The following PLCL2 variants were observed in gnomAD, a reference collection of about 807,000 sequenced individuals.
PLCL2 encodes the protein inactive phospholipase C-like protein 2.
A neutral mutation model predicts 79.6 loss-of-function variants in PLCL2; 4 were observed. The observed-to-expected ratio is 0.05, with a 90% CI of 0.02 to 0.11. The LOEUF is 0.11. Ranked by LOEUF, PLCL2 falls within the 10% of genes least tolerant of loss-of-function variation. The pLI, the probability that PLCL2 is intolerant of heterozygous loss-of-function variation, is 1.00. For missense variants in PLCL2, 895 were observed against 1,291.0 expected, an observed-to-expected ratio of 0.69 and a Z score of 4.70; for synonymous variants, 484 against 457.7, an observed-to-expected ratio of 1.06 and a Z score of -0.73.
chr3:16,955,989 C>T (rs969845508), intron 1 of PLCL2, among the ~76,000 whole-genome samples: 40 of 152,172 alleles, frequency 2.6e-4, no homozygotes, highest in Non-Finnish European at 2.1e-4. Context: ...GACAATTTGA[C>T]TTCCTCTTTT....
At chr3:17,051,323 CA>C (rs2064836426) in intron 4 of PLCL2, among the ~76,000 whole-genome samples, 1 of 152,058 alleles carries the variant, frequency 6.6e-6, no homozygotes, top group African/African-American at 2.4e-5. Context: ...TTGTTTGTAA[CA>C]CAAATGATAA....
rs773647246 is a variant in PLCL2, at chr3:17,010,425, C to T, written c.1079C>T (p.Thr360Ile). The change falls in exon 2 of 6, where the codon ACC (threonine) becomes ATC (isoleucine). Residue 360 changes from threonine (T) to isoleucine (I), a missense_variant. Thr to Ile is a moderately conservative substitution (Grantham distance 89). Around this residue, in one of 6 missense-constraint regions of PLCL2, gnomAD observed 93 missense variants for 93.2 expected, o/e 1.00. Coordinates refer to ENST00000615277, the MANE Select transcript of PLCL2 (RefSeq NM_001144382.2). This position sits in a 1 kb window ranked among gnomAD's most constrained non-coding sequence, Gnocchi z 5.8. ...QFSSNKEFLDTKDLMMFLEAE... is the reference protein window; with the variant it reads ...QFSSNKEFLDIKDLMMFLEAE... Reference sequence around the variant, plus strand: ...TCAAGCAATAAAGAATTCCTTGATACCAAGGACCTTATGATGTTTCTTGAG... The same window carrying T: ...TCAAGCAATAAAGAATTCCTTGATATCAAGGACCTTATGATGTTTCTTGAG... 1 of 1,613,018 alleles carries T rather than the reference C, an allele frequency of 6.2e-7. No individual in the cohort carries two copies. The highest frequency in any genetic ancestry group is 1.7e-5 in the Admixed American group (1 of 59,998).
intron 1 of PLCL2, among the ~76,000 whole-genome samples, chr3:16,963,523 A>G (rs997021612): frequency 2.0e-5 from 3 of 152,202 alleles, no homozygotes; most frequent in Non-Finnish European, 4.4e-5. Context: ...CAGCAAATAT[A>G]CATACCTGAG....
At chr3:17,035,070 C>G (rs1384235987) in intron 3 of PLCL2, among the ~76,000 whole-genome samples, 1 of 152,162 alleles carries the variant, frequency 6.6e-6, no homozygotes, top group Admixed American at 6.6e-5. Context: ...TAAAATTTCT[C>G]CCTCAGAAAT....
chr3:17,067,236 C>T (rs552275265), intron 4 of PLCL2, among the ~76,000 whole-genome samples: 20 of 152,064 alleles, frequency 1.3e-4, no homozygotes, highest in African/African-American at 2.7e-4. Flanking sequence ...TTGGATTCAG[C>T]GGTCTTACTA....
rs764852278 is a variant in PLCL2 at position 17,011,345 on chromosome 3, T to C, written c.1999T>C (p.Tyr667His). The C allele has an allele frequency of 1.2e-6, 2 of 1,614,144 alleles. No homozygotes were observed. Among genetic ancestry groups the C allele is most frequent in the Non-Finnish European group, 1.7e-6 (2 of 1,180,008 alleles). The change falls in exon 2 of 6, where the codon TAC becomes CAC. Residue 667 changes from tyrosine to histidine, a missense_variant. Transcript: ENST00000615277. This position sits in a 1 kb window ranked among gnomAD's most constrained non-coding sequence, Gnocchi z 7.9. ...ANENPGDFVN[Y>H]NKRFLARVFP... ...TGAAAATCCAGGGGACTTTGTAAAT[T>C]ACAACAAACGTTTTCTTGCTAGGGT...
At chr3:17,073,188 G>A (rs546877101) in intron 5 of PLCL2, among the ~76,000 whole-genome samples, 24 of 152,244 alleles carry the variant, frequency 1.6e-4, no homozygotes, top group African/African-American at 2.6e-4. Context: ...ATGTACAGGC[G>A]TACCTTGGAG....
At chr3:17,079,699 G>A (rs2065143225) in intron 5 of PLCL2, among the ~76,000 whole-genome samples, 1 of 152,122 alleles carries the variant, frequency 6.6e-6, no homozygotes, top group South Asian at 2.1e-4. Flanking sequence ...AAGTAAAATT[G>A]TTTCTAAGGA....
chr3:16,965,697 T>C (rs570374466), intron 1 of PLCL2, among the ~76,000 whole-genome samples: 63 of 152,280 alleles, frequency 4.1e-4, no homozygotes, highest in African/African-American at 1.5e-3. Flanking sequence ...TTTATTTCGT[T>C]GAGCAGTGGT....
chr3:16,957,071 C>G (rs1322454044), intron 1 of PLCL2, among the ~76,000 whole-genome samples: 2 of 152,158 alleles, frequency 1.3e-5, no homozygotes, highest in South Asian at 4.1e-4. Context: ...CTTCTGCTAG[C>G]TTTTGCATGT....
intron 5 of PLCL2, among the ~76,000 whole-genome samples, chr3:17,074,687 G>T (rs2065092773): frequency 6.6e-6 from 1 of 152,200 alleles, no homozygotes; most frequent in Non-Finnish European, 1.5e-5. Context: ...TAAATCTTCT[G>T]GGTAACTCAC....
At position 17,011,293 on chromosome 3, in the gene PLCL2, T is replaced by A. The variant is rs2064319504; in HGVS notation, c.1947T>A (p.Asn649Lys). The change falls in exon 2 of 6, where the codon AAT becomes AAA. Residue 649 changes from asparagine to lysine, a missense_variant. By Grantham distance (94) the Asn-to-Lys change is moderately conservative. Around this residue, in one of 6 missense-constraint regions of PLCL2, gnomAD observed 242 missense variants for 399.5 expected, o/e 0.61. Transcript: ENST00000615277. The surrounding 1 kb of genome is among the most constrained non-coding windows in gnomAD (Gnocchi z 7.9). The stretch of plus-strand genomic sequence containing the variant: ...AGTACTGGGAAGTCTGTTCCTTTAA[T>A]GAAGTGCTTGCCAGCAAGTACGCCA... The part of the protein sequence containing the change: ...VQKYWEVCSF[N>K]EVLASKYANE... 1 of 1,614,132 alleles carries A rather than the reference T, an allele frequency of 6.2e-7. No homozygotes were observed. The highest frequency in any genetic ancestry group is 8.5e-7 in the Non-Finnish European group (1 of 1,180,050).
At chr3:17,088,774 G>A (rs1256974788) in intron 5 of PLCL2, among the ~76,000 whole-genome samples, 9 of 152,054 alleles carry the variant, frequency 5.9e-5, no homozygotes, top group Non-Finnish European at 1.2e-4. Flanking sequence ...GAATTCTCTG[G>A]TCCAAAATGT....
intron 1 of PLCL2, among the ~76,000 whole-genome samples, chr3:16,920,661 T>C (rs993284285): frequency 6.6e-6 from 1 of 152,102 alleles, no homozygotes; most frequent in Non-Finnish European, 1.5e-5. Context: ...AATGCAGGAG[T>C]GAAAATGCTT....
At chr3:17,031,812 A>G (rs1182635688) in intron 3 of PLCL2, among the ~76,000 whole-genome samples, 2 of 152,200 alleles carry the variant, frequency 1.3e-5, no homozygotes, top group Admixed American at 1.3e-4. Flanking sequence ...GCATAGCATA[A>G]TAAATTACCA....
intron 3 of PLCL2, among the ~76,000 whole-genome samples, chr3:17,018,479 C>T (rs1473760542): frequency 6.6e-6 from 1 of 152,182 alleles, no homozygotes; most frequent in Non-Finnish European, 1.5e-5. Context: ...TCAGCTTGTC[C>T]TCTCTGCCTC....
intron 1 of PLCL2, among the ~76,000 whole-genome samples, chr3:16,973,470 G>C (rs149158537): frequency 2.5e-3 from 377 of 151,704 alleles, no homozygotes; most frequent in Non-Finnish European, 4.0e-3. Context: ...TGAATTTTGG[G>C]CTCTCCAGTG....
At chr3:16,946,494 C>T (rs568770570) in intron 1 of PLCL2, among the ~76,000 whole-genome samples, 9 of 151,970 alleles carry the variant, frequency 5.9e-5, no homozygotes, top group Non-Finnish European at 1.0e-4. Context: ...AAGTTGTCTG[C>T]CTACATTATT....
At chr3:17,028,929 A>T (rs990166146) in intron 3 of PLCL2, among the ~76,000 whole-genome samples, 1 of 152,178 alleles carries the variant, frequency 6.6e-6, no homozygotes, top group Non-Finnish European at 1.5e-5. Flanking sequence ...GATCTCCAGG[A>T]CACAGATATC....
Sources: gnomAD v4.1 joint callset for allele counts (sites outside exome capture counted in the v4.1 genomes callset) on GRCh38, gnomAD v4.1.1 for gene constraint, gnomAD v4.1.1 regional missense constraint, Gnocchi (gnomAD v3.1) non-coding constraint, MANE v1.5 for transcripts, NCBI Gene and HGNC (gene_info 2026-07-23, HGNC 2026-07-21) for gene names.